The following DOCK10 variants were observed in gnomAD, a reference collection of about 807,000 sequenced individuals.
DOCK10 encodes the protein dedicator of cytokinesis protein 10.
DOCK10 carries 145 observed loss-of-function variants against 280.1 expected under a neutral mutation model. The ratio of observed to expected loss-of-function variants is 0.52; its 90% CI spans 0.45 to 0.59. The LOEUF is 0.59. Ranked by LOEUF, DOCK10 falls within the 20% of genes least tolerant of loss-of-function variation. The pLI is 0.00. For synonymous variants in DOCK10, 915 were observed against 942.2 expected (o/e 0.97, Z 0.53); for missense variants, 2,368 against 2,651.7 (o/e 0.89, Z 2.35).
intron 4 of DOCK10, among the ~76,000 whole-genome samples, chr2:224,895,299 A>G (rs1224636196): frequency 6.6e-6 from 1 of 152,218 alleles, no homozygotes; most frequent in Non-Finnish European, 1.5e-5. Context: ...ATTCTGTACC[A>G]TGTGTCTATT....
At chr2:224,776,520 A>T (rs934251603) in intron 51 of DOCK10, among the ~76,000 whole-genome samples, 3 of 152,060 alleles carry the variant, frequency 2.0e-5, no homozygotes, top group Non-Finnish European at 4.4e-5. Flanking sequence ...CTTCCTGGGG[A>T]AGGTGACTAT....
intron 7 of DOCK10, among the ~76,000 whole-genome samples, chr2:224,883,289 G>A (rs556270325): frequency 6.6e-6 from 1 of 152,314 alleles, no homozygotes; most frequent in East Asian, 1.9e-4. Flanking sequence ...CTTCAATAAA[G>A]AATTGACTTC....
intron 24 of DOCK10, among the ~76,000 whole-genome samples, 166 bp from the exon 25 acceptor site, chr2:224,837,997 T>G (rs939482766): frequency 6.6e-6 from 1 of 152,218 alleles, no homozygotes; most frequent in Non-Finnish European, 1.5e-5. Context: ...TATCCAATAC[T>G]GGGCATTTAA....
intron 21 of DOCK10, 56 bp from the exon 22 acceptor site, chr2:224,844,895 A>G: frequency 8.0e-7 from 1 of 1,245,662 alleles, no homozygotes; most frequent in Non-Finnish European, 1.2e-6. Context: ...AAGAAAATAA[A>G]TAGATTGTTT....
intron 27 of DOCK10, among the ~76,000 whole-genome samples, chr2:224,823,906 C>T (rs1002676007): frequency 6.6e-6 from 1 of 151,982 alleles, no homozygotes; most frequent in African/African-American, 2.4e-5. Context: ...ATATTAATTG[C>T]AAACTATTGA....
At chr2:225,005,184 C>G (rs190500644) in intron 1 of DOCK10, among the ~76,000 whole-genome samples, 4 of 152,082 alleles carry the variant, frequency 2.6e-5, no homozygotes, top group African/African-American at 7.2e-5. Flanking sequence ...CCACAAAAAC[C>G]CTACAAATCT....
intron 25 of DOCK10, 33 bp downstream of exon 25, chr2:224,837,729 G>A (rs1290731332): frequency 7.6e-6 from 12 of 1,573,656 alleles, no homozygotes; most frequent in Non-Finnish European, 1.0e-5. Flanking sequence ...CAGCACAAGG[G>A]GATATGAGCA....
chr2:224,775,626 C>T (rs964520556), intron 51 of DOCK10, among the ~76,000 whole-genome samples: 8 of 152,198 alleles, frequency 5.3e-5, no homozygotes, highest in African/African-American at 1.7e-4. Flanking sequence ...CAGGCATGTG[C>T]CACCACACCT....
chr2:224,914,625 T>C (rs538831929), intron 3 of DOCK10, among the ~76,000 whole-genome samples: 68 of 152,210 alleles, frequency 4.5e-4, no homozygotes, highest in Middle Eastern at 3.4e-3. Context: ...AGAGACACCT[T>C]TTAAAACACA....
At chr2:224,968,134 A>G (rs1362662419) in intron 1 of DOCK10, among the ~76,000 whole-genome samples, 2 of 152,246 alleles carry the variant, frequency 1.3e-5, no homozygotes, top group African/African-American at 4.8e-5. Context: ...AGCCATGATT[A>G]TGATCGTAAA....
intron 3 of DOCK10, among the ~76,000 whole-genome samples, chr2:224,900,153 A>G (rs11895451): frequency 0.18 from 26,843 of 152,054 alleles, 3,919 homozygotes; most frequent in African/African-American, 0.41. Flanking sequence ...AAACATGTAC[A>G]CTCATGCATG....
rs1575169825 is a variant in DOCK10 at position 225,021,022 on chromosome 2, C to T, written c.123+21230G>A. 2.0e-5 allele frequency among the ~76,000 whole-genome samples: 3 copies of T among 152,274 alleles called. No homozygotes were observed. The South Asian group carries it at 6.2e-4, about 32-fold the overall frequency. On this transcript the variant is annotated intron_variant, in intron 1 of 55. Coordinates refer to ENST00000258390, the MANE Select transcript of DOCK10 (RefSeq NM_014689.3). ...AGTTGACAACAATCAAGGGAGTTTG[C>T]TAAAGGCAGGAGGAGCTGGAGAGCT...
intron 11 of DOCK10, 74 bp from the exon 12 acceptor site, chr2:224,865,161 T>G: frequency 1.4e-6 from 2 of 1,408,256 alleles, no homozygotes; most frequent in South Asian, 2.5e-5. Context: ...TAGTACATCA[T>G]TTAACAAAGC....
rs554601322 is a variant in DOCK10, at chr2:224,797,780, A to G, written c.4644+52T>C. The G allele has an allele frequency of 1.1e-5, 17 of 1,572,990 alleles. No homozygotes were observed. In the African/African-American group the frequency reaches 1.1e-4, roughly 10 times the overall value. ...AGGATTCCTATAGGTTTACTATTCTATGGGTTTACTGTCATCCTACCTAAA... is the reference window on the plus strand; with the variant it reads ...AGGATTCCTATAGGTTTACTATTCTGTGGGTTTACTGTCATCCTACCTAAA... On this transcript the variant is annotated intron_variant, in intron 42 of 55. Coordinates refer to ENST00000258390, the MANE Select transcript of DOCK10 (RefSeq NM_014689.3).
chr2:224,884,538 C>T (rs1699164771), intron 7 of DOCK10, among the ~76,000 whole-genome samples: 1 of 152,206 alleles, frequency 6.6e-6, no homozygotes, highest in Non-Finnish European at 1.5e-5. Context: ...GAGTAGGAAG[C>T]AGCGATTCGA....
chr2:224,821,679 A>AT (rs1694514554), intron 28 of DOCK10, among the ~76,000 whole-genome samples: 1 of 152,058 alleles, frequency 6.6e-6, no homozygotes, highest in African/African-American at 2.4e-5. Context: ...CTTATTCGTC[A>AT]TTTTTTGCAG....
chr2:224,929,545 C>A (rs963719108), intron 2 of DOCK10, among the ~76,000 whole-genome samples: 1 of 152,064 alleles, frequency 6.6e-6, no homozygotes. Context: ...GGCATTGGGT[C>A]ATGCCGAGGT....
intron 41 of DOCK10, among the ~76,000 whole-genome samples, chr2:224,799,552 T>G (rs1025904928): frequency 3.9e-5 from 6 of 152,220 alleles, no homozygotes; most frequent in Non-Finnish European, 8.8e-5. Context: ...GAATGGCTGG[T>G]CACAGGACAG....
intron 51 of DOCK10, among the ~76,000 whole-genome samples, chr2:224,777,598 G>T (rs1168293226): frequency 6.6e-6 from 1 of 152,172 alleles, no homozygotes; most frequent in Non-Finnish European, 1.5e-5. Flanking sequence ...CAGATTGAAG[G>T]CTGCACTGTC....
Sources: allele counts gnomAD v4.1 joint callset (sites outside exome capture counted in the v4.1 genomes callset), GRCh38; gene constraint gnomAD v4.1.1; transcripts MANE v1.5; gene names NCBI Gene and HGNC (gene_info 2026-07-23, HGNC 2026-07-21).